Variants in TBC1D31 observed in about 807,000 individuals in gnomAD.
TBC1D31 encodes TBC1 domain family member 31.
A neutral mutation model predicts 132.9 loss-of-function variants in TBC1D31; 99 were observed. The observed-to-expected ratio is 0.74, with a 90% CI of 0.63 to 0.88. The LOEUF is 0.88. Ranked by LOEUF, TBC1D31 falls within the 40% of genes least tolerant of loss-of-function variation. The probability of loss-of-function intolerance (pLI) is 0.00; values close to 1 mark genes in which losing one functional copy is unlikely to be tolerated. For missense variants in TBC1D31, 1,134 were observed against 1,256.6 expected, an observed-to-expected ratio of 0.90 and a Z score of 1.48; for synonymous variants, 385 against 419.4, an observed-to-expected ratio of 0.92 and a Z score of 1.00.
chr8:123,100,693 TACAC>T, intron 6 of TBC1D31, 110 bp from the exon 7 acceptor site: 1 of 679,352 alleles, frequency 1.5e-6, no homozygotes, highest in Non-Finnish European at 2.6e-6. Flanking sequence ...TACACACATA[TACAC>T]ACACACATAC....
At chr8:123,159,858 A>G in the TBC1D31 span, among the ~76,000 whole-genome samples, 1 of 152,126 alleles carries the variant, frequency 6.6e-6, no homozygotes, top group African/African-American at 2.4e-5. Flanking sequence ...GGTTGGAGGT[A>G]GGGGTGAGAG....
At chr8:123,134,021 TTAG>T (rs1423451488) in intron 16 of TBC1D31, 90 bp from the exon 17 acceptor site, 1 of 905,556 alleles carries the variant, frequency 1.1e-6, no homozygotes, top group Non-Finnish European at 1.7e-6. Context: ...TTAAATACTG[TTAG>T]TAGGTCGTTC....
At chr8:123,135,352 TG>T (rs2130856858) in intron 17 of TBC1D31, among the ~76,000 whole-genome samples, 1 of 152,362 alleles carries the variant, frequency 6.6e-6, no homozygotes, top group East Asian at 1.9e-4. Flanking sequence ...CATTTAGTGT[TG>T]AAACTGTAAG....
downstream of TBC1D31, among the ~76,000 whole-genome samples, chr8:123,152,803 G>A (rs1278947361): frequency 3.9e-5 from 6 of 152,072 alleles, no homozygotes; most frequent in African/African-American, 7.2e-5. Context: ...CCCAGGAGGC[G>A]GAGGTTGCAG....
rs552073254 is a variant in TBC1D31 at position 123,083,244 on chromosome 8, G to A, written c.340+427G>A. The A allele has an allele frequency of 1.2e-3, 187 of 155,276 alleles. 1 individual carries two copies. Among genetic ancestry groups the A allele is most frequent in the South Asian group, 2.6e-3 (13 of 4,974 alleles). 9.6% of individuals were successfully genotyped at this position (155,276 alleles called of 1,614,324 possible). ...GTGTGTGGCTGGCCATCTGCGCCAA[G>A]CACTGTTGACGCAGGGAGTCGACCC... is the stretch of plus-strand genomic sequence containing the variant. On this transcript the variant is annotated intron_variant, in intron 3 of 21. Transcript: ENST00000287380.
At chr8:123,126,390 C>T in intron 12 of TBC1D31, 118 bp from the exon 13 acceptor site, 1 of 1,180,242 alleles carries the variant, frequency 8.5e-7, no homozygotes, top group Non-Finnish European at 1.2e-6. Flanking sequence ...TAGTTATTTT[C>T]ATAATTATGT....
chr8:123,090,575 T>C (rs1303611065), intron 4 of TBC1D31, among the ~76,000 whole-genome samples: 1 of 152,156 alleles, frequency 6.6e-6, no homozygotes, highest in African/African-American at 2.4e-5. Context: ...ACTCACTAAA[T>C]ACTAAATATA....
chr8:123,114,559 T>C (rs1354798523), intron 10 of TBC1D31, among the ~76,000 whole-genome samples: 1 of 152,158 alleles, frequency 6.6e-6, no homozygotes. Flanking sequence ...TGACCTCAGG[T>C]GATCTGCTCG....
At chr8:123,104,712 T>A (rs1817755701) in intron 7 of TBC1D31, among the ~76,000 whole-genome samples, 1 of 152,120 alleles carries the variant, frequency 6.6e-6, no homozygotes. Flanking sequence ...CCCATAAAAA[T>A]GAAGGTATAG....
intron 8 of TBC1D31, among the ~76,000 whole-genome samples, chr8:123,106,034 A>G (rs1817887779): frequency 6.6e-6 from 1 of 152,122 alleles, no homozygotes; most frequent in Non-Finnish European, 1.5e-5. Context: ...GTTGATTTAC[A>G]TCCCTACCAG....
Position 123,072,747 on chromosome 8 carries a change from G to A in TBC1D31, c.-23G>A, listed in dbSNP as rs1440675706. ...TGGGACGGTTACCCAGCGGGCCGCC[G>A]GCGGTCGTGGGCAAGCTTCGCCATG... On this transcript the variant is annotated 5_prime_UTR_variant, in exon 1 of 22. Transcript: ENST00000287380. 27 of 1,552,086 alleles carry A rather than the reference G, an allele frequency of 1.7e-5. No homozygotes were observed. Among genetic ancestry groups the A allele is most frequent in the Non-Finnish European group, 2.0e-5 (23 of 1,147,844 alleles).
rs560522932 is a variant in TBC1D31 at position 123,079,281 on chromosome 8, T to C, written c.224+2024T>C. Among the ~76,000 whole-genome samples, 3 of 152,340 alleles carry C rather than the reference T, an allele frequency of 2.0e-5. No homozygotes were observed. The South Asian group carries it at 6.2e-4, about 32-fold the overall frequency. On this transcript the variant is annotated intron_variant, in intron 2 of 21. Coordinates refer to ENST00000287380, the MANE Select transcript of TBC1D31 (RefSeq NM_145647.4). ...TTGGAGTTTTAGGATTAGATGGTGGTAATGTATAAATGTAATTTATTGGTG... is the reference window on the plus strand; with the variant it reads ...TTGGAGTTTTAGGATTAGATGGTGGCAATGTATAAATGTAATTTATTGGTG...
chr8:123,157,253 A>G, the TBC1D31 span, among the ~76,000 whole-genome samples: 1 of 152,148 alleles, frequency 6.6e-6, no homozygotes, highest in Non-Finnish European at 1.5e-5. Context: ...GATCGAACTC[A>G]CGACCTTCAG....
At position 123,072,802 on chromosome 8, in the gene TBC1D31, C is replaced by G. The variant is rs1397151727; in HGVS notation, c.33C>G (p.Ser11Arg). The change falls in exon 1 of 22, where the codon AGC (serine) becomes AGG (arginine). Residue 11 changes from serine (S) to arginine (R), a missense_variant. Coordinates refer to ENST00000287380, the MANE Select transcript of TBC1D31 (RefSeq NM_145647.4). Reference protein sequence around the residue: MQSTDLGNKESGKIWHRKPSP... With the variant: MQSTDLGNKERGKIWHRKPSP... ...GCACTGACCTAGGCAACAAGGAGAG[C>G]GGCAAGATATGGCACCGCAAGCCGT... 6.4e-7 allele frequency: 1 copy of G among 1,574,302 alleles called. No homozygotes were observed. Among genetic ancestry groups the G allele is most frequent in the Non-Finnish European group, 8.6e-7 (1 of 1,160,416 alleles).
intron 4 of TBC1D31, among the ~76,000 whole-genome samples, chr8:123,092,592 T>C (rs115995294): frequency 6.6e-6 from 1 of 152,092 alleles, no homozygotes; most frequent in Non-Finnish European, 1.5e-5. Flanking sequence ...AATAAATACA[T>C]ACACCCCATT....
intron 4 of TBC1D31, 136 bp from the exon 5 acceptor site, chr8:123,093,455 A>C (rs973643870): frequency 3.6e-5 from 19 of 522,314 alleles, no homozygotes; most frequent in African/African-American, 3.4e-4. Context: ...ACTCCTTGTC[A>C]TATATTAGAA....
intron 13 of TBC1D31, 85 bp downstream of exon 13, chr8:123,126,772 C>T (rs1046014386): frequency 1.2e-5 from 16 of 1,281,974 alleles, no homozygotes; most frequent in South Asian, 9.1e-5. Flanking sequence ...GACAGAGTCT[C>T]GCTATGTTGC....
chr8:123,151,941 A>G lies in TBC1D31; in HGVS notation c.*2A>G, dbSNP rs1416410479. ...ACCCCTCATCTTTTGGCTGCATAGA[A>G]TGCATGTCACCTTGAGACGGTCGAG... On this transcript the variant is annotated 3_prime_UTR_variant, in exon 22 of 22. Transcript: ENST00000287380. 3.9e-6 allele frequency: 6 copies of G among 1,526,924 alleles called. No homozygotes were observed. Among genetic ancestry groups the G allele is most frequent in the Non-Finnish European group, 5.3e-6 (6 of 1,140,506 alleles). The allele number at this position is 1,526,924 out of a possible 1,614,324, so 94.6% of individuals were successfully genotyped here.
intron 13 of TBC1D31, among the ~76,000 whole-genome samples, chr8:123,127,641 C>G (rs1418589915): frequency 6.6e-6 from 1 of 152,108 alleles, no homozygotes; most frequent in Non-Finnish European, 1.5e-5. Context: ...TATCATGACC[C>G]ATCTGGTCTT....
Sources: allele counts gnomAD v4.1 joint callset (sites outside exome capture counted in the v4.1 genomes callset), GRCh38; gene constraint gnomAD v4.1.1; transcripts MANE v1.5; gene names NCBI Gene and HGNC (gene_info 2026-07-23, HGNC 2026-07-21).